Variants in WNT5B observed in about 807,000 individuals in gnomAD.
WNT5B encodes the protein Wnt family member 5B.
In WNT5B, 18 loss-of-function variants were observed where a neutral mutation model predicts 36.5. That is an observed-to-expected ratio of 0.49 (90% confidence interval 0.34 to 0.73). WNT5B has a LOEUF of 0.73. Among genes scored for constraint, WNT5B ranks in the 30% least tolerant of loss-of-function variants. The pLI, the probability that WNT5B is intolerant of heterozygous loss-of-function variation, is 0.01. For synonymous variants in WNT5B, 213 were observed against 212.3 expected (o/e 1.00, Z -0.03); for missense variants, 424 against 508.4 (o/e 0.83, Z 1.60).
At chr12:1,640,334 G>C (rs772627600) in intron 4 of WNT5B, among the ~76,000 whole-genome samples, 1 of 152,180 alleles carries the variant, frequency 6.6e-6, no homozygotes, top group Non-Finnish European at 1.5e-5. Context: ...TAGATAATGC[G>C]ATGGGATGTT....
upstream of WNT5B, among the ~76,000 whole-genome samples, chr12:1,624,617 G>T (rs906008577): frequency 6.6e-6 from 1 of 152,182 alleles, no homozygotes; most frequent in Non-Finnish European, 1.5e-5. Flanking sequence ...GAAACATTTA[G>T]TGCAGTGCAC....
intron 1 of WNT5B, among the ~76,000 whole-genome samples, chr12:1,620,148 C>T (rs1207912222): frequency 6.6e-6 from 1 of 152,130 alleles, no homozygotes; most frequent in African/African-American, 2.4e-5. Context: ...ATATCCATCA[C>T]CAGGTTGGAA....
At chr12:1,641,537 T>C (rs2094575331) in intron 4 of WNT5B, among the ~76,000 whole-genome samples, 1 of 152,106 alleles carries the variant, frequency 6.6e-6, no homozygotes, top group Non-Finnish European at 1.5e-5. Context: ...GCACGGTGGC[T>C]GATGCCTGTA....
intron 4 of WNT5B, 36 bp from the exon 5 acceptor site, chr12:1,645,758 A>T (rs1008265752): frequency 1.3e-6 from 2 of 1,536,400 alleles, no homozygotes; most frequent in South Asian, 1.3e-5. Flanking sequence ...TTCCACCGGG[A>T]TCCTCCTTCT....
chr12:1,626,389 G>A (rs193107335), upstream of WNT5B, among the ~76,000 whole-genome samples: 2 of 151,622 alleles, frequency 1.3e-5, no homozygotes, highest in African/African-American at 4.8e-5. Flanking sequence ...TCAGCCTCCC[G>A]AGTAGCTGGG....
At chr12:1,626,216 C>T (rs1426854677), upstream of WNT5B, among the ~76,000 whole-genome samples, 1 of 151,962 alleles carries the variant, frequency 6.6e-6, no homozygotes, top group African/African-American at 2.4e-5. Context: ...ACCTCAGCCT[C>T]TCAAAGTGCT....
At chr12:1,623,184 G>GTTTTTTT (rs1555156800) in intron 1 of WNT5B, among the ~76,000 whole-genome samples, 21 of 53,494 alleles carry the variant, frequency 3.9e-4, no homozygotes, top group Non-Finnish European at 5.9e-4. Context: ...AGGGTTTTTT[G>GTTTTTTT]TTGTTTTTTT....
At chr12:1,636,702 A>G (rs1416897575) in intron 3 of WNT5B, among the ~76,000 whole-genome samples, 2 of 149,108 alleles carry the variant, frequency 1.3e-5, no homozygotes, top group African/African-American at 5.0e-5. Flanking sequence ...TACCATGCCC[A>G]GTTTTGTTTT....
Position 1,639,758 on chromosome 12 carries a change from G to A in WNT5B, c.403G>A (p.Glu135Lys), listed in dbSNP as rs749761500. ...CAACGCCATCAGCCGGGCCTGCCGCGAGGGCGAGCTCTCCACCTGCGGCTG... is the reference window on the plus strand; with the variant it reads ...CAACGCCATCAGCCGGGCCTGCCGCAAGGGCGAGCTCTCCACCTGCGGCTG... ...VVNAISRACR[E>K]GELSTCGCSR... The change falls in exon 4 of 5, where the codon GAG becomes AAG. Residue 135 changes from glutamate to lysine, a missense_variant. By Grantham distance (56) the Glu-to-Lys change is moderately conservative. Transcript: ENST00000397196. The A allele has an allele frequency of 1.9e-6, 3 of 1,606,862 alleles. No individual in the cohort carries two copies. The highest frequency in any genetic ancestry group is 2.5e-6 in the Non-Finnish European group (3 of 1,176,614).
intron 3 of WNT5B, among the ~76,000 whole-genome samples, chr12:1,637,281 A>G (rs1009359768): frequency 3.2e-4 from 49 of 152,128 alleles, no homozygotes; most frequent in Non-Finnish European, 1.5e-4. Context: ...AAGCATTCCT[A>G]TGTCCATTTT....
upstream of WNT5B, among the ~76,000 whole-genome samples, chr12:1,627,961 A>T (rs1051060362): frequency 6.6e-6 from 1 of 152,162 alleles, no homozygotes; most frequent in Non-Finnish European, 1.5e-5. This position sits in a 1 kb window ranked among gnomAD's most constrained non-coding sequence, Gnocchi z 5.0. Flanking sequence ...TAACTGGCAC[A>T]TATTAGGCAC....
Position 1,622,107 on chromosome 12 carries a change from C to CTT in WNT5B, c.-58+4984_-58+4985dup, listed in dbSNP as rs35497935. ...GCTCCCTTAGGCTCTTCTGACACTT[C>CTT]TTTTTTTTTTTTTTTTTTTTTGAGA... On this transcript the variant is annotated intron_variant, in intron 1 of 4. Coordinates refer to the WNT5B transcript ENST00000310594. Among the ~76,000 whole-genome samples the CTT allele has an allele frequency of 3.3e-3, 323 of 99,042 alleles. 2 individuals are homozygous for CTT. Among genetic ancestry groups the CTT allele is most frequent in the African/African-American group, 0.01 (253 of 24,164 alleles). 65.0% of individuals were successfully genotyped at this position (99,042 alleles called of 152,430 possible).
intron 1 of WNT5B, among the ~76,000 whole-genome samples, chr12:1,621,951 G>T (rs996938771): frequency 2.0e-5 from 3 of 152,046 alleles, no homozygotes; most frequent in Admixed American, 6.6e-5. Context: ...CCTCTTCTTC[G>T]AAAAGCACCT....
chr12:1,626,097 G>T (rs1453474762), upstream of WNT5B, among the ~76,000 whole-genome samples: 1 of 150,796 alleles, frequency 6.6e-6, no homozygotes, highest in African/African-American at 2.4e-5. Flanking sequence ...TCTGGCCTCA[G>T]CCTCCCAGGC....
At chr12:1,626,786 C>T (rs560782247), upstream of WNT5B, among the ~76,000 whole-genome samples, 41 of 151,006 alleles carry the variant, frequency 2.7e-4, no homozygotes, top group African/African-American at 9.2e-4. Flanking sequence ...AGGATGGTCT[C>T]GATCTCCTGA....
chr12:1,646,198 C>T lies in WNT5B; in HGVS notation c.1026C>T (p.Cys342=), dbSNP rs2094585376. The T allele has an allele frequency of 1.9e-6, 3 of 1,613,718 alleles. No homozygotes were observed. Among genetic ancestry groups the T allele is most frequent in the Non-Finnish European group, 2.5e-6 (3 of 1,180,052 alleles). ...ERCHCKFHWC[C]FVRCKKCTEI... The stretch of plus-strand genomic sequence containing the variant: ...GCCACTGCAAGTTCCACTGGTGCTG[C>T]TTCGTCAGGTGTAAGAAGTGCACGG... The change falls in exon 5 of 5, where the codon TGC becomes TGT. Residue 342 remains cysteine (C), a synonymous_variant. Coordinates refer to ENST00000397196, the MANE Select transcript of WNT5B (RefSeq NM_032642.3).
intron 4 of WNT5B, among the ~76,000 whole-genome samples, chr12:1,643,867 CT>C (rs1267123121): frequency 6.6e-6 from 1 of 151,394 alleles, no homozygotes; most frequent in Non-Finnish European, 1.5e-5. Flanking sequence ...GCAGATATTC[CT>C]ATCTCTACAA....
chr12:1,623,184 G>GGTTTTTTTTTTTT (rs1272170104), intron 1 of WNT5B, among the ~76,000 whole-genome samples: 17 of 53,516 alleles, frequency 3.2e-4, no homozygotes, highest in African/African-American at 1.3e-3. Flanking sequence ...AGGGTTTTTT[G>GGTTTTTTTTTTTT]TTGTTTTTTT....
At chr12:1,626,368 A>G (rs776576918), upstream of WNT5B, among the ~76,000 whole-genome samples, 2 of 151,618 alleles carry the variant, frequency 1.3e-5, no homozygotes, top group South Asian at 2.1e-4. Flanking sequence ...AGTTCAAGCA[A>G]TTCTCCTGCC....
Sources: allele counts gnomAD v4.1 joint callset (sites outside exome capture counted in the v4.1 genomes callset), GRCh38; gene constraint gnomAD v4.1.1; non-coding constraint Gnocchi (gnomAD v3.1); transcripts MANE v1.5; gene names NCBI Gene and HGNC (gene_info 2026-07-23, HGNC 2026-07-21).